B4GALNT2: variants seen among roughly 807,000 people sequenced by gnomAD.
B4GALNT2 encodes beta-1,4-N-acetyl-galactosaminyltransferase 2 (SID blood group).
A neutral mutation model predicts 51.1 loss-of-function variants in B4GALNT2; 42 were observed. The ratio of observed to expected loss-of-function variants is 0.82; its 90% CI spans 0.64 to 1.06. The LOEUF (loss-of-function observed/expected upper bound fraction) is 1.06. Ranked by LOEUF, B4GALNT2 falls within the 50% of genes least tolerant of loss-of-function variation. The pLI is 0.00. For missense variants in B4GALNT2, 602 were observed against 633.6 expected, an observed-to-expected ratio of 0.95 and a Z score of 0.54; for synonymous variants, 253 against 251.7, an observed-to-expected ratio of 1.01 and a Z score of -0.05.
rs148758335 is a variant in B4GALNT2 at position 49,155,200 on chromosome 17, C to G, written c.461-1366C>G. Among the ~76,000 whole-genome samples, 440 of 145,970 alleles carry G rather than the reference C, an allele frequency of 3.0e-3. 7 individuals are homozygous for G. Among genetic ancestry groups the G allele is most frequent in the African/African-American group, 0.01 (407 of 39,382 alleles). On this transcript the variant is annotated intron_variant, in intron 4 of 10. Coordinates refer to ENST00000393354, the MANE Select transcript of B4GALNT2 (RefSeq NM_001159387.2). Reference sequence around the variant, plus strand: ...GGTACATGCCTGTGGTCCCAGTACTCGTGAGGAGAATTGCTTGATCCTGGG... The same window carrying G: ...GGTACATGCCTGTGGTCCCAGTACTGGTGAGGAGAATTGCTTGATCCTGGG...
At position 49,166,180 on chromosome 17, in the gene B4GALNT2, G is replaced by A. The variant is rs755687202; in HGVS notation, c.1021G>A (p.Asp341Asn). 2.5e-6 allele frequency: 4 copies of A among 1,613,964 alleles called. No individual in the cohort carries two copies. Among genetic ancestry groups the A allele is most frequent in the Non-Finnish European group, 1.7e-6 (2 of 1,179,980 alleles). ...CACCAAATACGTTCTCTGGGTGGAC[G>A]ATGATTTTCTCTTCAACGAGGAGAC... ...VTTKYVLWVDDDFLFNEETKI... is the reference protein window; with the variant it reads ...VTTKYVLWVDNDFLFNEETKI... The change falls in exon 9 of 11, where the codon GAT becomes AAT. Residue 341 changes from aspartate (D) to asparagine (N), a missense_variant. Transcript: ENST00000393354.
At chr17:49,141,616 C>A (rs1032597290) in intron 2 of B4GALNT2, among the ~76,000 whole-genome samples, 169 bp downstream of exon 2, 5 of 152,194 alleles carry the variant, frequency 3.3e-5, no homozygotes, top group Admixed American at 2.6e-4. Context: ...TCTGTACGAT[C>A]CAGTCTATGT....
chr17:49,128,688 G>A (rs568482739), upstream of B4GALNT2, among the ~76,000 whole-genome samples: 42 of 152,250 alleles, frequency 2.8e-4, no homozygotes, highest in African/African-American at 8.9e-4. Context: ...TTGGGCCTTC[G>A]GCTCGAAATT....
At position 49,150,122 on chromosome 17, in the gene B4GALNT2, C is replaced by T. The variant is rs545182266; in HGVS notation, c.354-2678C>T. Reference sequence around the variant, plus strand: ...GCCGCCCCGTCCAGGAGGTGAGGGGCGCCTCTGCCCGGCCGCCCCTACTGG... The same window carrying T: ...GCCGCCCCGTCCAGGAGGTGAGGGGTGCCTCTGCCCGGCCGCCCCTACTGG... On this transcript the variant is annotated intron_variant, in intron 3 of 10. Transcript: ENST00000393354. Among the ~76,000 whole-genome samples, 5 of 148,766 alleles carry T rather than the reference C, an allele frequency of 3.4e-5. 1 individual carries two copies. The highest frequency in any genetic ancestry group is 9.9e-5 in the African/African-American group (4 of 40,304).
At chr17:49,123,246 A>C in the B4GALNT2 span, among the ~76,000 whole-genome samples, 168 of 152,284 alleles carry the variant, frequency 1.1e-3, no homozygotes, top group African/African-American at 3.9e-3. Context: ...CTCAGTTATT[A>C]GTTGTCAGTG....
At chr17:49,138,239 G>A (rs956854407) in intron 1 of B4GALNT2, among the ~76,000 whole-genome samples, 10 of 152,180 alleles carry the variant, frequency 6.6e-5, no homozygotes, top group East Asian at 1.9e-4. Context: ...AGGAAATGTC[G>A]GTTGGTACCA....
At chr17:49,160,261 T>C (rs1488962050) in intron 6 of B4GALNT2, among the ~76,000 whole-genome samples, 1 of 152,194 alleles carries the variant, frequency 6.6e-6, no homozygotes, top group South Asian at 2.1e-4. Flanking sequence ...AAAAATCAGA[T>C]AGTAAATGGT....
In B4GALNT2 at chr17:49,146,576, G is replaced by T. The variant is rs181633526; in HGVS notation, c.353+4404G>T. On this transcript the variant is annotated intron_variant, in intron 3 of 10. Coordinates refer to ENST00000393354, the MANE Select transcript of B4GALNT2 (RefSeq NM_001159387.2). ...TCCACCCACCTTGGCCTCCCAAAGT[G>T]CTGGGATTACAGGCGTGAGCCACCA... is the stretch of plus-strand genomic sequence containing the variant. Among the ~76,000 whole-genome samples, 610 of 152,340 alleles carry T rather than the reference G, an allele frequency of 4.0e-3. 1 individual carries two copies. The highest frequency in any genetic ancestry group is 0.017 in the Middle Eastern group (5 of 294).
At chr17:49,123,098 C>T in the B4GALNT2 span, among the ~76,000 whole-genome samples, 2 of 152,162 alleles carry the variant, frequency 1.3e-5, no homozygotes, top group Non-Finnish European at 2.9e-5. Context: ...TTTGGGCTGT[C>T]AGGGGTTGCT....
At chr17:49,158,636 CAAAAAA>C (rs770885158) in intron 5 of B4GALNT2, among the ~76,000 whole-genome samples, 1 of 74,202 alleles carries the variant, frequency 1.3e-5, no homozygotes, top group Non-Finnish European at 2.4e-5. Flanking sequence ...GACTCCATCT[CAAAAAA>C]AAAAAAAAAA....
intron 3 of B4GALNT2, among the ~76,000 whole-genome samples, chr17:49,149,374 G>A (rs759957042): frequency 3.3e-5 from 5 of 151,992 alleles, no homozygotes; most frequent in Non-Finnish European, 1.5e-5. Context: ...GGCCAGGCGC[G>A]GTGGCTCACA....
the B4GALNT2 span, among the ~76,000 whole-genome samples, chr17:49,125,380 G>A: frequency 1.9e-3 from 291 of 152,150 alleles, no homozygotes; most frequent in Middle Eastern, 3.4e-3. Flanking sequence ...GGCTGATCTC[G>A]AACTCCTGAC....
At chr17:49,151,090 T>TTGCTGGGTGGTGC (rs377409384) in intron 3 of B4GALNT2, among the ~76,000 whole-genome samples, 2 of 476 alleles carry the variant, frequency 4.2e-3, no homozygotes, top group African/African-American at 0.01. Flanking sequence ...AAAGCTAATC[T>TTGCTGGGTGGTGC]TAGGCCGGGC....
At chr17:49,168,991 T>A in intron 10 of B4GALNT2, 91 bp downstream of exon 10, 1 of 1,322,784 alleles carries the variant, frequency 7.6e-7, no homozygotes, top group Non-Finnish European at 1.0e-6. Flanking sequence ...GGCTGGCTGA[T>A]CATAGTCGCT....
chr17:49,133,958 AG>A (rs1395745279), intron 1 of B4GALNT2, among the ~76,000 whole-genome samples: 2 of 152,148 alleles, frequency 1.3e-5, no homozygotes, highest in African/African-American at 4.8e-5. Flanking sequence ...AACAAAAAGC[AG>A]CAACACACGT....
At chr17:49,149,930 G>A (rs1161350576) in intron 3 of B4GALNT2, among the ~76,000 whole-genome samples, 1 of 152,020 alleles carries the variant, frequency 6.6e-6, no homozygotes, top group Non-Finnish European at 1.5e-5. Context: ...AAACTTTAAT[G>A]AAAAAGGTAT....
At chr17:49,150,188 G>A (rs998087774) in intron 3 of B4GALNT2, among the ~76,000 whole-genome samples, 1 of 138,774 alleles carries the variant, frequency 7.2e-6, no homozygotes, top group African/African-American at 2.7e-5. Flanking sequence ...GCCCCGTCCG[G>A]GAGGGAGGTG....
At chr17:49,168,567 C>A in intron 9 of B4GALNT2, 114 bp from the exon 10 acceptor site, 1 of 1,046,028 alleles carries the variant, frequency 9.6e-7, no homozygotes, top group Non-Finnish European at 1.4e-6. Context: ...GAAGGATAGA[C>A]AGAGAAATAA....
Position 49,155,297 on chromosome 17 carries a change from CAAAA to C in B4GALNT2, c.461-1249_461-1246del, listed in dbSNP as rs34869721. Among the ~76,000 whole-genome samples the C allele has an allele frequency of 6.3e-3, 342 of 54,166 alleles. 1 individual carries two copies. The highest frequency in any genetic ancestry group is 0.024 in the African/African-American group (311 of 13,158). 35.5% of individuals were successfully genotyped at this position (54,166 alleles called of 152,430 possible). A position where few individuals can be genotyped will look rare whatever the true frequency, so the allele number is the denominator to read the frequency against. ...TGGATGACAGAGTGAGATTCAGTCT[CAAAA>C]AAAAAAAAAAAAAAAAAAAGGACTG... On this transcript the variant is annotated intron_variant, in intron 4 of 10. Coordinates refer to ENST00000393354, the MANE Select transcript of B4GALNT2 (RefSeq NM_001159387.2).
Sources: allele counts gnomAD v4.1 joint callset (sites outside exome capture counted in the v4.1 genomes callset), GRCh38; gene constraint gnomAD v4.1.1; transcripts MANE v1.5; gene names NCBI Gene and HGNC (gene_info 2026-07-23, HGNC 2026-07-21).